The following R3HDM1 variants were observed in gnomAD, a reference collection of about 807,000 sequenced individuals.
The protein encoded by R3HDM1 is R3H domain containing 1, also known as R3H domain-containing protein 1.
A neutral mutation model predicts 141.1 loss-of-function variants in R3HDM1; 46 were observed. The observed-to-expected ratio is 0.33, with a 90% CI of 0.26 to 0.42. The LOEUF (loss-of-function observed/expected upper bound fraction) is 0.42, where lower values mean the gene tolerates loss of function less well. Among genes scored for constraint, R3HDM1 ranks in the 10% least tolerant of loss-of-function variants. The pLI, the probability that R3HDM1 is intolerant of heterozygous loss-of-function variation, is 1.00. For synonymous variants in R3HDM1, 435 were observed against 472.9 expected (o/e 0.92, Z 1.04); for missense variants, 1,184 against 1,368.3 (o/e 0.87, Z 2.12).
chr2:135,541,718 A>G (rs1419647116), intron 1 of R3HDM1, among the ~76,000 whole-genome samples: 1 of 152,186 alleles, frequency 6.6e-6, no homozygotes, highest in African/African-American at 2.4e-5. Flanking sequence ...ATCACCAGAC[A>G]TAATAATGAA....
intron 18 of R3HDM1, among the ~76,000 whole-genome samples, chr2:135,660,104 A>G (rs2066495457): frequency 1.3e-5 from 2 of 152,256 alleles, no homozygotes; most frequent in African/African-American, 4.8e-5. Context: ...TTTAGCAGTT[A>G]AATTGAATGA....
At chr2:135,532,261 A>G (rs1695025545) in intron 1 of R3HDM1, among the ~76,000 whole-genome samples, 1 of 152,178 alleles carries the variant, frequency 6.6e-6, no homozygotes, top group Non-Finnish European at 1.5e-5. Flanking sequence ...AGAAAGTTGA[A>G]TGACTGTCAG....
chr2:135,701,269 G>A (rs1040608357), intron 21 of R3HDM1, among the ~76,000 whole-genome samples: 1 of 151,466 alleles, frequency 6.6e-6, no homozygotes, highest in African/African-American at 2.4e-5. Context: ...CAGGTGCAGT[G>A]GTGCACACCT....
intron 5 of R3HDM1, among the ~76,000 whole-genome samples, chr2:135,618,436 A>C (rs1180693162): frequency 6.7e-6 from 1 of 148,986 alleles, no homozygotes; most frequent in Non-Finnish European, 1.5e-5. Flanking sequence ...TGCTAGGATT[A>C]CAAGTGTGAG....
intron 18 of R3HDM1, chr2:135,656,532 A>T (rs767207163): frequency 1.3e-5 from 2 of 151,848 alleles, no homozygotes; most frequent in African/African-American, 4.8e-5. Context: ...GGGCCATGCT[A>T]ATCTTCTCTG....
chr2:135,630,289 A>C (rs1376058571), intron 7 of R3HDM1, among the ~76,000 whole-genome samples: 24 of 142,596 alleles, frequency 1.7e-4, no homozygotes, highest in African/African-American at 6.4e-4. Context: ...ACCAAAAAAA[A>C]AAAAAAAAAA....
At chr2:135,717,379 G>A (rs915775215) in intron 24 of R3HDM1, among the ~76,000 whole-genome samples, 1 of 152,034 alleles carries the variant, frequency 6.6e-6, no homozygotes, top group African/African-American at 2.4e-5. Context: ...AGCTACTTGG[G>A]AGGCTAAGGC....
chr2:135,581,657 C>G (rs1262459662), intron 1 of R3HDM1, among the ~76,000 whole-genome samples: 1 of 152,150 alleles, frequency 6.6e-6, no homozygotes, highest in East Asian at 1.9e-4. Context: ...CCCAGTTGAC[C>G]ATGCCGAATT....
intron 9 of R3HDM1, among the ~76,000 whole-genome samples, chr2:135,635,154 C>T (rs1213635665): frequency 2.6e-5 from 4 of 152,170 alleles, no homozygotes; most frequent in African/African-American, 9.7e-5. Context: ...CAAACCTGTG[C>T]CCTACTGTAA....
At chr2:135,584,448 C>T in intron 1 of R3HDM1, 5 of 879,554 alleles carry the variant, frequency 5.7e-6, no homozygotes, top group Non-Finnish European at 6.8e-6. Context: ...AAACCTAAAC[C>T]TGTTTCATAT....
At chr2:135,585,115 G>A (rs1707579862) in intron 1 of R3HDM1, among the ~76,000 whole-genome samples, 1 of 152,118 alleles carries the variant, frequency 6.6e-6, no homozygotes, top group African/African-American at 2.4e-5. Context: ...TAAATCAGCG[G>A]GAAGCTTCTC....
rs562295101 is a variant in R3HDM1 at position 135,581,564 on chromosome 2, A to C, written c.-249-20936A>C. ...CATGTTAAGTTGAAGAGGATGATTT[A>C]GGATTGTTTATTTGCTTAATGCTTG... On this transcript the variant is annotated intron_variant, in intron 1 of 26. Coordinates refer to ENST00000683871, the MANE Select transcript of R3HDM1 (RefSeq NM_001378107.1). Among the ~76,000 whole-genome samples, 11 of 152,296 alleles carry C rather than the reference A, an allele frequency of 7.2e-5. No individual in the cohort carries two copies. The South Asian group carries it at 2.3e-3, about 32-fold the overall frequency.
At chr2:135,551,109 T>A (rs78106799) in intron 1 of R3HDM1, among the ~76,000 whole-genome samples, 6 of 152,204 alleles carry the variant, frequency 3.9e-5, no homozygotes, top group African/African-American at 1.2e-4. Context: ...AGGAAATCTA[T>A]AATTTCCTCA....
chr2:135,561,735 C>A (rs1395513551), intron 1 of R3HDM1, among the ~76,000 whole-genome samples: 10 of 151,150 alleles, frequency 6.6e-5, no homozygotes, highest in South Asian at 2.1e-4. Flanking sequence ...AAAAAAAAAA[C>A]CAAGCTTAAA....
chr2:135,539,166 T>A (rs757610727), intron 1 of R3HDM1, among the ~76,000 whole-genome samples: 6 of 152,160 alleles, frequency 3.9e-5, no homozygotes, highest in Non-Finnish European at 8.8e-5. Flanking sequence ...GTTTGACAGT[T>A]AACTTCTGAT....
chr2:135,674,100 G>T (rs1194819114), intron 19 of R3HDM1, among the ~76,000 whole-genome samples: 1 of 152,054 alleles, frequency 6.6e-6, no homozygotes, highest in African/African-American at 2.4e-5. Context: ...ATTTTAATGT[G>T]TTGCTTTGTT....
chr2:135,635,670 A>C (rs1341518258), intron 9 of R3HDM1, among the ~76,000 whole-genome samples: 2 of 152,226 alleles, frequency 1.3e-5, no homozygotes, highest in Non-Finnish European at 2.9e-5. Context: ...TCCAGAGCCA[A>C]CATTGTATTT....
intron 3 of R3HDM1, chr2:135,606,351 T>A (rs2060047013): frequency 6.6e-6 from 1 of 152,196 alleles, no homozygotes; most frequent in South Asian, 2.1e-4. Context: ...AGAACGTTAC[T>A]TCAGCTATCT....
chr2:135,596,472 C>T (rs1230968842), intron 1 of R3HDM1, among the ~76,000 whole-genome samples: 7 of 152,042 alleles, frequency 4.6e-5, no homozygotes, highest in African/African-American at 1.7e-4. Flanking sequence ...GGCTGGAGAT[C>T]TTTTTTTAAA....
Sources: allele counts gnomAD v4.1 joint callset (sites outside exome capture counted in the v4.1 genomes callset), GRCh38; gene constraint gnomAD v4.1.1; transcripts MANE v1.5; gene names NCBI Gene and HGNC (gene_info 2026-07-23, HGNC 2026-07-21).